Variants in RBFOX3 observed in about 807,000 individuals in gnomAD.
RBFOX3 encodes the protein RNA binding fox-1 homolog 3.
Under a neutral mutation model 48.7 loss-of-function variants are expected in RBFOX3, and 17 were observed. The observed-to-expected ratio is 0.35, with a 90% CI of 0.24 to 0.52. RBFOX3 has a LOEUF of 0.52. Ranked by LOEUF, RBFOX3 falls within the 20% of genes least tolerant of loss-of-function variation. RBFOX3 has a pLI of 0.94. For synonymous variants in RBFOX3, 212 were observed against 209.5 expected (o/e 1.01, Z -0.10); for missense variants, 382 against 497.5 (o/e 0.77, Z 2.21).
rs1318845978 is a variant in RBFOX3 at position 79,519,094 on chromosome 17, A to G, written c.-319-36496T>C. Among the ~76,000 whole-genome samples the G allele has an allele frequency of 6.6e-5, 10 of 152,126 alleles. 1 individual carries two copies. Among genetic ancestry groups the G allele is most frequent in the Non-Finnish European group, 1.2e-4 (8 of 67,992 alleles). On this transcript the variant is annotated intron_variant, in intron 1 of 14. Coordinates refer to ENST00000693108, the MANE Select transcript of RBFOX3 (RefSeq NM_001350451.2). ...TGGGGACACCGGGCCCCCGAAACAGATGCTCCGGAGGTAAACCAAGGAGCT... is the reference window on the plus strand; with the variant it reads ...TGGGGACACCGGGCCCCCGAAACAGGTGCTCCGGAGGTAAACCAAGGAGCT...
intron 1 of RBFOX3, among the ~76,000 whole-genome samples, chr17:79,566,008 C>T (rs1348111241): frequency 3.9e-5 from 6 of 152,126 alleles, no homozygotes; most frequent in Non-Finnish European, 8.8e-5. Flanking sequence ...TTCTGACTGT[C>T]GAGATATATT....
At chr17:79,456,714 T>G (rs1313080759) in intron 2 of RBFOX3, among the ~76,000 whole-genome samples, 1 of 152,126 alleles carries the variant, frequency 6.6e-6, no homozygotes, top group African/African-American at 2.4e-5. Context: ...CCACCACACT[T>G]GAATTGATTC....
At chr17:79,578,172 G>C (rs1262051187) in intron 1 of RBFOX3, among the ~76,000 whole-genome samples, 1 of 152,236 alleles carries the variant, frequency 6.6e-6, no homozygotes, top group Non-Finnish European at 1.5e-5. Flanking sequence ...CACCTGGAGC[G>C]CTTCTCTTAC....
intron 2 of RBFOX3, among the ~76,000 whole-genome samples, chr17:79,318,603 C>T (rs978499612): frequency 1.3e-5 from 2 of 151,942 alleles, no homozygotes; most frequent in Admixed American, 1.3e-4. Flanking sequence ...GCCTGTAATC[C>T]CAGCACATTG....
Position 79,288,348 on chromosome 17 carries a change from G to A in RBFOX3, c.-74+19376C>T, listed in dbSNP as rs555150045. On this transcript the variant is annotated intron_variant, in intron 3 of 14. Coordinates refer to ENST00000693108, the MANE Select transcript of RBFOX3 (RefSeq NM_001350451.2). Reference sequence around the variant, plus strand: ...ACACAAATACTTGCCATCAGAGAGCGGAGATAGATCCCATCTGTCTGCTCA... The same window carrying A: ...ACACAAATACTTGCCATCAGAGAGCAGAGATAGATCCCATCTGTCTGCTCA... Among the ~76,000 whole-genome samples, 31 of 152,308 alleles carry A rather than the reference G, an allele frequency of 2.0e-4. No individual in the cohort carries two copies. In the South Asian group the frequency reaches 6.4e-3, roughly 32 times the overall value.
At chr17:79,209,870 G>A (rs978129027) in intron 4 of RBFOX3, among the ~76,000 whole-genome samples, 19 of 152,100 alleles carry the variant, frequency 1.2e-4, no homozygotes, top group East Asian at 1.9e-4. Flanking sequence ...GGTGGTGGCC[G>A]CCTGTAGTCC....
At chr17:79,540,364 G>A (rs1306524890) in intron 1 of RBFOX3, among the ~76,000 whole-genome samples, 3 of 152,212 alleles carry the variant, frequency 2.0e-5, no homozygotes, top group African/African-American at 2.4e-5. Flanking sequence ...GAAGGGAGTC[G>A]GCAAATGCAG....
chr17:79,106,855 AG>A (rs2077472916), intron 5 of RBFOX3, 67 bp from the exon 6 acceptor site: 1 of 1,452,386 alleles, frequency 6.9e-7, no homozygotes, highest in African/African-American at 1.5e-5. Context: ...CCTCTGCTAA[AG>A]GGTCGGCAGA....
chr17:79,396,778 A>G (rs551309291), intron 2 of RBFOX3, among the ~76,000 whole-genome samples: 76 of 152,334 alleles, frequency 5.0e-4, no homozygotes, highest in African/African-American at 1.6e-3. Flanking sequence ...TGCAGGGACC[A>G]TCCCCTCATT....
At chr17:79,512,317 C>A (rs2084434822) in intron 1 of RBFOX3, among the ~76,000 whole-genome samples, 9 of 121,140 alleles carry the variant, frequency 7.4e-5, no homozygotes, top group Admixed American at 1.7e-4. Context: ...CAGGGAACAC[C>A]CACCCGGATA....
intron 4 of RBFOX3, among the ~76,000 whole-genome samples, chr17:79,128,309 G>A (rs961775920): frequency 8.5e-5 from 13 of 152,126 alleles, no homozygotes; most frequent in Non-Finnish European, 1.5e-4. Flanking sequence ...GATGAGGGGG[G>A]GACTTTGCTT....
chr17:79,501,675 T>C (rs898511417), intron 1 of RBFOX3, among the ~76,000 whole-genome samples: 14,258 of 152,316 alleles, frequency 0.094, 811 homozygotes, highest in Middle Eastern at 0.17. Context: ...TTATACATTA[T>C]TGATTTGCAT....
At chr17:79,155,876 C>T (rs1269715609) in intron 4 of RBFOX3, among the ~76,000 whole-genome samples, 3 of 152,202 alleles carry the variant, frequency 2.0e-5, no homozygotes, top group Non-Finnish European at 2.9e-5. Context: ...CCACCCGCAC[C>T]TCTCCTCTCT....
At chr17:79,274,596 C>A (rs750001005) in intron 3 of RBFOX3, among the ~76,000 whole-genome samples, 1 of 152,108 alleles carries the variant, frequency 6.6e-6, no homozygotes, top group Admixed American at 6.5e-5. Context: ...GCTCAGGGAG[C>A]CCTGTGGTGC....
intron 1 of RBFOX3, among the ~76,000 whole-genome samples, chr17:79,495,949 T>C (rs1337811274): frequency 1.3e-5 from 2 of 151,848 alleles, no homozygotes; most frequent in Non-Finnish European, 2.9e-5. Flanking sequence ...GCGTGGCAGA[T>C]GGGAACGTGC....
Position 79,096,851 on chromosome 17 carries a change from T to C in RBFOX3, c.756-18A>G, listed in dbSNP as rs1214541453. 5 of 688,642 alleles carry C rather than the reference T, an allele frequency of 7.3e-6. No homozygotes were observed. Among genetic ancestry groups the C allele is most frequent in the Non-Finnish European group, 1.3e-5 (5 of 386,916 alleles). 42.7% of individuals were successfully genotyped at this position (688,642 alleles called of 1,614,324 possible). A position where few individuals can be genotyped will look rare whatever the true frequency, so the allele number is the denominator to read the frequency against. The stretch of plus-strand genomic sequence containing the variant: ...CCAGTGCCCTGTTTTGGTATAACAA[T>C]AGAGTAACACCCTTGCTGATCAGCA... On this transcript the variant is annotated intron_variant, in intron 11 of 14. Coordinates refer to ENST00000693108, the MANE Select transcript of RBFOX3 (RefSeq NM_001350451.2).
chr17:79,632,279 A>T, the RBFOX3 span, among the ~76,000 whole-genome samples: 1 of 151,970 alleles, frequency 6.6e-6, no homozygotes, highest in South Asian at 2.1e-4. Context: ...CATTAGGAGG[A>T]TCCGTATACA....
At position 79,090,482 on chromosome 17, in the gene RBFOX3, C is replaced by T. The variant is rs138356244; in HGVS notation, c.*401G>A. ...CTGCTCAGGCCCGGGCCTGCTCCGCCGCCGCTGGGCTCCACACTGTCTGTC... is the reference window on the plus strand; with the variant it reads ...CTGCTCAGGCCCGGGCCTGCTCCGCTGCCGCTGGGCTCCACACTGTCTGTC... On this transcript the variant is annotated 3_prime_UTR_variant, in exon 15 of 15. Transcript: ENST00000693108. 2.4e-3 allele frequency: 480 copies of T among 198,272 alleles called. 3 individuals carry two copies. The East Asian group carries it at 0.042, about 17-fold the overall frequency. The allele number at this position is 198,272 out of a possible 1,614,324, so 12.3% of individuals were successfully genotyped here.
chr17:79,170,906 C>A (rs1353511014), intron 4 of RBFOX3, among the ~76,000 whole-genome samples: 1 of 152,230 alleles, frequency 6.6e-6, no homozygotes, highest in Non-Finnish European at 1.5e-5. Context: ...TCAACCCTGT[C>A]TTTCCACGTA....
Sources: gnomAD v4.1 joint callset for allele counts (sites outside exome capture counted in the v4.1 genomes callset) on GRCh38, gnomAD v4.1.1 for gene constraint, MANE v1.5 for transcripts, NCBI Gene and HGNC (gene_info 2026-07-23, HGNC 2026-07-21) for gene names.